The following TAFA2 variants were observed in gnomAD, a reference collection of about 807,000 sequenced individuals.
TAFA2 encodes chemokine-like protein TAFA-2.
In TAFA2, 7 loss-of-function variants were observed where a neutral mutation model predicts 18.8. The ratio of observed to expected loss-of-function variants is 0.37; its 90% CI spans 0.21 to 0.70. TAFA2 has a LOEUF of 0.70. TAFA2 is among the 30% of genes least tolerant of loss of function. TAFA2 has a pLI of 0.53. For synonymous variants in TAFA2, 60 were observed against 54.2 expected, an observed-to-expected ratio of 1.11 and a Z score of -0.47; for missense variants, 122 against 158.1, an observed-to-expected ratio of 0.77 and a Z score of 1.23.
intron 4 of TAFA2, among the ~76,000 whole-genome samples, chr12:61,716,272 ACT>A (rs1159279709): frequency 6.6e-6 from 1 of 152,042 alleles, no homozygotes; most frequent in Non-Finnish European, 1.5e-5. Flanking sequence ...TTTTTTTCTA[ACT>A]CTTTGTCTTT....
At chr12:62,168,732 G>C (rs536114116) in intron 1 of TAFA2, among the ~76,000 whole-genome samples, 1 of 152,088 alleles carries the variant, frequency 6.6e-6, no homozygotes, top group Non-Finnish European at 1.5e-5. Flanking sequence ...AAGTACTCTG[G>C]AGGCTGAGGT....
chr12:62,171,391 C>G (rs767988968), intron 1 of TAFA2, among the ~76,000 whole-genome samples: 5 of 152,180 alleles, frequency 3.3e-5, no homozygotes, highest in Non-Finnish European at 7.3e-5. Flanking sequence ...GCTGTGACTA[C>G]AGCAAAGTTG....
At chr12:62,143,218 A>G (rs1045017902) in intron 1 of TAFA2, among the ~76,000 whole-genome samples, 4 of 152,162 alleles carry the variant, frequency 2.6e-5, no homozygotes, top group Non-Finnish European at 5.9e-5. Flanking sequence ...GCCAGATAAG[A>G]ATCCTTCCAA....
At chr12:62,102,245 G>A (rs1219996999) in intron 1 of TAFA2, among the ~76,000 whole-genome samples, 1 of 152,170 alleles carries the variant, frequency 6.6e-6, no homozygotes, top group Non-Finnish European at 1.5e-5. Flanking sequence ...AAGTGGAATG[G>A]TCTGGGTTCA....
At chr12:62,156,064 C>A (rs576705747) in intron 1 of TAFA2, among the ~76,000 whole-genome samples, 1 of 152,208 alleles carries the variant, frequency 6.6e-6, no homozygotes, top group East Asian at 1.9e-4. Flanking sequence ...GGACTAATAT[C>A]CAGAATCTAC....
rs151162030 is a variant in TAFA2 at position 61,981,944 on chromosome 12, A to G, written c.-1-114518T>C. Among the ~76,000 whole-genome samples the G allele has an allele frequency of 1.8e-3, 269 of 152,336 alleles. 3 individuals are homozygous for G. Among genetic ancestry groups the G allele is most frequent in the African/African-American group, 5.9e-3 (245 of 41,582 alleles). Reference sequence around the variant, plus strand: ...ACCCAGCAATCCCATTACTGGGTATATACCCAAATAATTATAAATCATGCT... The same window carrying G: ...ACCCAGCAATCCCATTACTGGGTATGTACCCAAATAATTATAAATCATGCT... On this transcript the variant is annotated intron_variant, in intron 1 of 4. Transcript: ENST00000416284.
chr12:61,994,263 C>A (rs968846325), intron 1 of TAFA2, among the ~76,000 whole-genome samples: 3 of 152,152 alleles, frequency 2.0e-5, no homozygotes, highest in Non-Finnish European at 2.9e-5. Flanking sequence ...TTCATGCAGA[C>A]AAACCCATCT....
rs945173853 is a variant in TAFA2 at position 61,708,883 on chromosome 12, G to A, written c.*1523C>T. 4 of 152,234 alleles carry A rather than the reference G, an allele frequency of 2.6e-5. No individual in the cohort carries two copies. Among genetic ancestry groups the A allele is most frequent in the Non-Finnish European group, 4.4e-5 (3 of 67,984 alleles). 9.4% of individuals were successfully genotyped at this position (152,234 alleles called of 1,614,324 possible). On this transcript the variant is annotated 3_prime_UTR_variant, in exon 5 of 5. Transcript: ENST00000416284. ...ATGGGCCTCTATCCTGGAAACCAAC[G>A]TATGTCTAACTGACCACGTCAGTGA...
intron 4 of TAFA2, among the ~76,000 whole-genome samples, chr12:61,736,106 G>A (rs2120677030): frequency 6.6e-6 from 1 of 152,026 alleles, no homozygotes; most frequent in African/African-American, 2.4e-5. Flanking sequence ...AGCAATCCCT[G>A]GCTTACTATG....
At chr12:62,227,296 C>A (rs1325122731) in intron 1 of TAFA2, among the ~76,000 whole-genome samples, 1 of 152,152 alleles carries the variant, frequency 6.6e-6, no homozygotes, top group Non-Finnish European at 1.5e-5. Context: ...CCCCAAAAAG[C>A]CTGCTCTGAA....
At chr12:62,030,496 C>A (rs1476399600) in intron 1 of TAFA2, among the ~76,000 whole-genome samples, 1 of 152,092 alleles carries the variant, frequency 6.6e-6, no homozygotes, top group Non-Finnish European at 1.5e-5. Context: ...AAGGCAAGAG[C>A]ATGATCTGAA....
intron 2 of TAFA2, among the ~76,000 whole-genome samples, chr12:61,760,624 T>C (rs1403526032): frequency 6.6e-6 from 1 of 151,704 alleles, no homozygotes; most frequent in Non-Finnish European, 1.5e-5. Context: ...TAAAACTAAT[T>C]CCTGTGGTTT....
intron 1 of TAFA2, chr12:62,235,146 A>G (rs2062830912): frequency 1.5e-6 from 1 of 656,642 alleles, no homozygotes; most frequent in East Asian, 3.2e-5. Flanking sequence ...GAAAATCATC[A>G]TCTCTTGCTG....
intron 1 of TAFA2, among the ~76,000 whole-genome samples, chr12:61,901,736 C>T (rs1876109520): frequency 6.6e-6 from 1 of 152,128 alleles, no homozygotes; most frequent in Non-Finnish European, 1.5e-5. Flanking sequence ...TGGCTCCACA[C>T]AGGTTTGTTA....
intron 2 of TAFA2, among the ~76,000 whole-genome samples, chr12:61,803,580 T>C (rs1034263805): frequency 6.6e-6 from 1 of 151,966 alleles, no homozygotes; most frequent in Admixed American, 6.6e-5. Context: ...TTAGCATATA[T>C]ATTAACAGAC....
chr12:62,054,020 T>A (rs925443516), intron 1 of TAFA2, among the ~76,000 whole-genome samples: 1 of 152,150 alleles, frequency 6.6e-6, no homozygotes, highest in African/African-American at 2.4e-5. Context: ...TATAGCTACA[T>A]AAAAAGGAGA....
chr12:61,865,025 T>C (rs1874294080), intron 2 of TAFA2, among the ~76,000 whole-genome samples: 1 of 152,134 alleles, frequency 6.6e-6, no homozygotes, highest in Admixed American at 6.5e-5. Context: ...CCCACATTGG[T>C]AGCCAAACAT....
At chr12:61,781,959 C>T (rs931797749) in intron 2 of TAFA2, among the ~76,000 whole-genome samples, 1 of 151,514 alleles carries the variant, frequency 6.6e-6, no homozygotes, top group African/African-American at 2.4e-5. Flanking sequence ...TCACAAAACT[C>T]TTTTACATGT....
intron 1 of TAFA2, among the ~76,000 whole-genome samples, chr12:62,075,111 T>A (rs1882728963): frequency 6.6e-6 from 1 of 152,188 alleles, no homozygotes; most frequent in South Asian, 2.1e-4. Context: ...TAACACAACA[T>A]TCTTCTTCAT....
Sources: gnomAD v4.1 joint callset for allele counts (sites outside exome capture counted in the v4.1 genomes callset) on GRCh38, gnomAD v4.1.1 for gene constraint, MANE v1.5 for transcripts, NCBI Gene and HGNC (gene_info 2026-07-23, HGNC 2026-07-21) for gene names.